EPHA6: variants seen among roughly 807,000 people sequenced by gnomAD.
EPHA6 encodes the protein EPH receptor A6.
In EPHA6, 50 loss-of-function variants were observed where a neutral mutation model predicts 112.0. The ratio of observed to expected loss-of-function variants is 0.45; its 90% CI spans 0.36 to 0.56. The LOEUF (loss-of-function observed/expected upper bound fraction) is 0.56. Ranked by LOEUF, EPHA6 falls within the 20% of genes least tolerant of loss-of-function variation. EPHA6 has a pLI of 0.00. For synonymous variants in EPHA6, 529 were observed against 490.7 expected, an observed-to-expected ratio of 1.08 and a Z score of -1.03; for missense variants, 1,280 against 1,417.4, an observed-to-expected ratio of 0.90 and a Z score of 1.56.
intron 10 of EPHA6, among the ~76,000 whole-genome samples, chr3:97,489,332 T>G (rs897572278): frequency 3.3e-5 from 5 of 152,216 alleles, no homozygotes; most frequent in Non-Finnish European, 7.3e-5. Flanking sequence ...GAAATGAAAT[T>G]TTATTTTTGT....
intron 12 of EPHA6, among the ~76,000 whole-genome samples, chr3:97,596,197 GC>G (rs1250693668): frequency 6.6e-6 from 1 of 151,990 alleles, no homozygotes; most frequent in Non-Finnish European, 1.5e-5. Context: ...GAGCCACCGC[GC>G]CCGGCCATAT....
chr3:97,154,493 T>C (rs905990270), intron 3 of EPHA6, among the ~76,000 whole-genome samples: 3 of 152,126 alleles, frequency 2.0e-5, no homozygotes, highest in African/African-American at 7.2e-5. Flanking sequence ...GATTCAAACA[T>C]TTCAAATCTC....
At chr3:97,685,057 C>G (rs1357925175) in intron 14 of EPHA6, among the ~76,000 whole-genome samples, 1 of 152,150 alleles carries the variant, frequency 6.6e-6, no homozygotes, top group African/African-American at 2.4e-5. Flanking sequence ...TTGCCTATGA[C>G]AGCTGATAAA....
chr3:97,008,234 G>C (rs2043957447), intron 3 of EPHA6, among the ~76,000 whole-genome samples: 1 of 152,084 alleles, frequency 6.6e-6, no homozygotes, highest in South Asian at 2.1e-4. Context: ...GTCTCCTTCT[G>C]GTACTCCAAT....
intron 6 of EPHA6, among the ~76,000 whole-genome samples, chr3:97,424,957 T>G (rs1227611689): frequency 6.6e-6 from 1 of 152,106 alleles, no homozygotes; most frequent in African/African-American, 2.4e-5. Context: ...AAGTCAGTAA[T>G]TAAATTTTAA....
intron 2 of EPHA6, among the ~76,000 whole-genome samples, chr3:96,950,202 G>A (rs6438843): frequency 0.25 from 38,454 of 151,946 alleles, 9,087 homozygotes; most frequent in African/African-American, 0.6. Context: ...CACAATGCCC[G>A]TCTTAGCATC....
chr3:97,172,530 G>A (rs2076729800), intron 3 of EPHA6, among the ~76,000 whole-genome samples: 1 of 151,970 alleles, frequency 6.6e-6, no homozygotes, highest in African/African-American at 2.4e-5. Context: ...GAGGAAATAT[G>A]AAATGCTGAA....
At chr3:97,611,908 A>G (rs1403029916) in intron 13 of EPHA6, among the ~76,000 whole-genome samples, 1 of 151,818 alleles carries the variant, frequency 6.6e-6, no homozygotes, top group East Asian at 1.9e-4. Flanking sequence ...CTCTTCTTCC[A>G]ACTGCTCTGA....
chr3:96,919,671 G>A (rs916263272), intron 2 of EPHA6, among the ~76,000 whole-genome samples: 1 of 151,808 alleles, frequency 6.6e-6, no homozygotes, highest in Non-Finnish European at 1.5e-5. Context: ...AGAAATCTAT[G>A]CCTTTGGCCA....
At chr3:97,710,989 T>C (rs1023315737) in intron 14 of EPHA6, among the ~76,000 whole-genome samples, 1 of 152,196 alleles carries the variant, frequency 6.6e-6, no homozygotes, top group Non-Finnish European at 1.5e-5. Flanking sequence ...CAACCATGGA[T>C]AGAGATAGAT....
At chr3:97,160,046 C>T (rs572763959) in intron 3 of EPHA6, among the ~76,000 whole-genome samples, 5 of 152,158 alleles carry the variant, frequency 3.3e-5, no homozygotes, top group Admixed American at 6.5e-5. Flanking sequence ...TCAAAGGTGA[C>T]GATAGCCAAG....
intron 16 of EPHA6, among the ~76,000 whole-genome samples, chr3:97,738,672 G>A (rs985936107): frequency 6.6e-6 from 1 of 152,016 alleles, no homozygotes; most frequent in Non-Finnish European, 1.5e-5. Flanking sequence ...CCCCATGAGT[G>A]GCAAGCTCTG....
chr3:97,002,970 A>G (rs2107910641), intron 3 of EPHA6, among the ~76,000 whole-genome samples: 1 of 152,298 alleles, frequency 6.6e-6, no homozygotes, highest in South Asian at 2.1e-4. Context: ...AAGTAGTAAA[A>G]CAATGGTGAA....
chr3:97,154,231 A>G (rs551095412), intron 3 of EPHA6, among the ~76,000 whole-genome samples: 3 of 151,552 alleles, frequency 2.0e-5, no homozygotes, highest in African/African-American at 7.3e-5. Context: ...CCAAATTTGC[A>G]TATATTGGGA....
In EPHA6 at chr3:97,492,681, A is replaced by G. The variant is rs752186966; in HGVS notation, c.2200+8622A>G. Among the ~76,000 whole-genome samples, 11 of 150,450 alleles carry G rather than the reference A, an allele frequency of 7.3e-5. No individual in the cohort carries two copies. The South Asian group carries it at 8.6e-4, about 12-fold the overall frequency. ...TAGAAAGGAGGAAAGAAAGGACAAG[A>G]TAGATAATAAGTGAAGAAAACATGC... is the stretch of plus-strand genomic sequence containing the variant. On this transcript the variant is annotated intron_variant, in intron 10 of 17. Transcript: ENST00000389672.
intron 14 of EPHA6, among the ~76,000 whole-genome samples, chr3:97,710,870 T>C (rs1156801517): frequency 6.6e-6 from 1 of 152,268 alleles, no homozygotes; most frequent in Non-Finnish European, 1.5e-5. Context: ...ATATTTGTTT[T>C]TAAGCAGAGT....
intron 2 of EPHA6, among the ~76,000 whole-genome samples, chr3:96,955,943 G>A (rs2041740664): frequency 6.6e-6 from 1 of 152,078 alleles, no homozygotes; most frequent in South Asian, 2.1e-4. Flanking sequence ...ATCATTTGTT[G>A]GTAGCTCTGA....
At chr3:96,831,851 TTGCC>T (rs1167631676) in intron 1 of EPHA6, among the ~76,000 whole-genome samples, 1 of 152,014 alleles carries the variant, frequency 6.6e-6, no homozygotes, top group Non-Finnish European at 1.5e-5. Flanking sequence ...TAGAAAATGA[TTGCC>T]ATCAACCAGT....
chr3:97,166,520 C>A (rs926607343), intron 3 of EPHA6, among the ~76,000 whole-genome samples: 4 of 152,040 alleles, frequency 2.6e-5, no homozygotes, highest in African/African-American at 9.7e-5. Context: ...ACAGTTTTCT[C>A]TCATGGTTGA....
Sources: allele counts gnomAD v4.1 joint callset (sites outside exome capture counted in the v4.1 genomes callset), GRCh38; gene constraint gnomAD v4.1.1; transcripts MANE v1.5; gene names NCBI Gene and HGNC (gene_info 2026-07-23, HGNC 2026-07-21).